The following RABGAP1L variants were observed in gnomAD, a reference collection of about 807,000 sequenced individuals.
RABGAP1L encodes the protein rab GTPase-activating protein 1-like.
Under a neutral mutation model 137.7 loss-of-function variants are expected in RABGAP1L, and 63 were observed. The ratio of observed to expected loss-of-function variants is 0.46; its 90% confidence interval spans 0.37 to 0.56. RABGAP1L has a LOEUF of 0.56. Ranked by LOEUF, RABGAP1L falls within the 20% of genes least tolerant of loss-of-function variation. The pLI, the probability that RABGAP1L is intolerant of heterozygous loss-of-function variation, is 0.00. For missense variants in RABGAP1L, 1,095 were observed against 1,244.0 expected (o/e 0.88, Z 1.80); for synonymous variants, 431 against 433.7 (o/e 0.99, Z 0.08).
chr1:174,583,502 A>G (rs74126843), intron 13 of RABGAP1L, among the ~76,000 whole-genome samples: 1,931 of 152,274 alleles, frequency 0.013, 52 homozygotes, highest in African/African-American at 0.045. Context: ...ATGAGATGCT[A>G]TGGTATTCAC....
intron 13 of RABGAP1L, among the ~76,000 whole-genome samples, chr1:174,441,195 T>G (rs1438226422): frequency 6.6e-6 from 1 of 151,926 alleles, no homozygotes; most frequent in African/African-American, 2.4e-5. Flanking sequence ...TATTTTCTGA[T>G]TAGCATTCAT....
chr1:174,189,343 T>A (rs560384458), intron 1 of RABGAP1L, among the ~76,000 whole-genome samples: 23 of 152,330 alleles, frequency 1.5e-4, no homozygotes, highest in African/African-American at 5.1e-4. Context: ...TTGTTTACAT[T>A]GAAAATCTGT....
chr1:174,809,252 A>G lies in RABGAP1L; in HGVS notation c.2212-2580A>G, dbSNP rs374739650. ...GATTTGCAGCAATATCAACACCAACAATGTCTAGGAAAGGACAGCCACAGG... is the reference window on the plus strand; with the variant it reads ...GATTTGCAGCAATATCAACACCAACGATGTCTAGGAAAGGACAGCCACAGG... On this transcript the variant is annotated intron_variant, in intron 18 of 25. Transcript: ENST00000681986. 2.0e-5 allele frequency among the ~76,000 whole-genome samples: 3 copies of G among 152,214 alleles called. No homozygotes were observed. The East Asian group carries it at 5.8e-4, about 29-fold the overall frequency.
chr1:174,519,989 T>TTTGTTGCTGC (rs1312571422), intron 13 of RABGAP1L, among the ~76,000 whole-genome samples: 2 of 152,200 alleles, frequency 1.3e-5, no homozygotes, highest in African/African-American at 4.8e-5. Flanking sequence ...ACTATTATTT[T>TTTGTTGCTGC]TTGTTGCTGC....
chr1:174,203,869 G>T, intron 1 of RABGAP1L, among the ~76,000 whole-genome samples: 1 of 151,146 alleles, frequency 6.6e-6, no homozygotes, highest in East Asian at 1.9e-4. Context: ...GAATGGGATT[G>T]CCTTTCTGAT....
intron 18 of RABGAP1L, chr1:174,799,977 C>T (rs1688599408): frequency 9.8e-7 from 1 of 1,017,926 alleles, no homozygotes; most frequent in Non-Finnish European, 1.2e-6. Flanking sequence ...CACACACACA[C>T]ACTCTCACAC....
rs150264760 is a variant in RABGAP1L, at chr1:174,635,142, T to G, written c.1711-2233T>G. On this transcript the variant is annotated intron_variant, in intron 13 of 25. Coordinates refer to ENST00000681986, the MANE Select transcript of RABGAP1L (RefSeq NM_001366446.1). ...TAGATTTTTTTCTTTTTACCAATTT[T>G]TCTTTTCCTGAATCAGACTATTGGA... 1.2e-4 allele frequency among the ~76,000 whole-genome samples: 19 copies of G among 152,288 alleles called. No homozygotes were observed. The East Asian group carries it at 3.5e-3, about 28-fold the overall frequency.
chr1:174,608,392 A>G (rs765613040), intron 13 of RABGAP1L, among the ~76,000 whole-genome samples: 1 of 152,180 alleles, frequency 6.6e-6, no homozygotes, highest in Non-Finnish European at 1.5e-5. Context: ...AGTGGAAGTA[A>G]GATATGTCTT....
At chr1:174,752,232 A>G (rs1684400116) in intron 17 of RABGAP1L, 81 bp from the exon 18 acceptor site, 3 of 994,522 alleles carry the variant, frequency 3.0e-6, no homozygotes, top group Non-Finnish European at 4.5e-6. Flanking sequence ...ATTTTATTAA[A>G]TATATGTGGA....
At chr1:174,289,204 A>AT (rs1676350877) in intron 10 of RABGAP1L, among the ~76,000 whole-genome samples, 1 of 152,046 alleles carries the variant, frequency 6.6e-6, no homozygotes, top group Non-Finnish European at 1.5e-5. Flanking sequence ...CACCCACCTA[A>AT]TTTTTTAAAA....
At chr1:174,469,869 T>C (rs1036518767) in intron 13 of RABGAP1L, among the ~76,000 whole-genome samples, 37 of 152,040 alleles carry the variant, frequency 2.4e-4, no homozygotes, top group Admixed American at 6.6e-4. Context: ...CTGCCTTCAC[T>C]GGGGATTGTC....
At chr1:174,850,572 C>A (rs1047781773) in intron 19 of RABGAP1L, among the ~76,000 whole-genome samples, 1 of 152,120 alleles carries the variant, frequency 6.6e-6, no homozygotes, top group Non-Finnish European at 1.5e-5. Flanking sequence ...CACTGTTTGG[C>A]TTTTGTTATT....
At chr1:174,615,302 C>T (rs534413132) in intron 13 of RABGAP1L, among the ~76,000 whole-genome samples, 19 of 152,112 alleles carry the variant, frequency 1.2e-4, no homozygotes, top group Non-Finnish European at 2.4e-4. Flanking sequence ...CAGACAGGAC[C>T]CTCAGCTGCA....
At chr1:174,483,027 A>G (rs1373036480) in intron 13 of RABGAP1L, among the ~76,000 whole-genome samples, 4 of 152,158 alleles carry the variant, frequency 2.6e-5, no homozygotes, top group Admixed American at 6.5e-5. Context: ...GTCTATATTT[A>G]TGGATTACAT....
intron 19 of RABGAP1L, among the ~76,000 whole-genome samples, chr1:174,830,103 G>A (rs1214671568): frequency 6.8e-6 from 1 of 148,024 alleles, no homozygotes; most frequent in Non-Finnish European, 1.5e-5. Flanking sequence ...CTCATGCTCA[G>A]CATCTTCACA....
At chr1:174,288,392 T>C (rs1221876771) in intron 10 of RABGAP1L, among the ~76,000 whole-genome samples, 2 of 152,198 alleles carry the variant, frequency 1.3e-5, no homozygotes, top group African/African-American at 2.4e-5. Context: ...AGGCAGATCT[T>C]TGTGATGATG....
In RABGAP1L at chr1:174,675,013, A is replaced by C. The variant is rs1460112222; in HGVS notation, c.1825-8509A>C. Among the ~76,000 whole-genome samples the C allele has an allele frequency of 2.0e-5, 3 of 152,006 alleles. No individual in the cohort carries two copies. The East Asian group carries it at 5.8e-4, about 30-fold the overall frequency. ...GCCCTTTGTCAGATGAGTAGGTTGCAAAAATTTTCTCCCATTTTGTAGGTT... is the reference window on the plus strand; with the variant it reads ...GCCCTTTGTCAGATGAGTAGGTTGCCAAAATTTTCTCCCATTTTGTAGGTT... On this transcript the variant is annotated intron_variant, in intron 14 of 25. Transcript: ENST00000681986.
chr1:174,904,650 T>C (rs1393458123), intron 19 of RABGAP1L, among the ~76,000 whole-genome samples: 2 of 152,094 alleles, frequency 1.3e-5, no homozygotes, highest in East Asian at 3.9e-4. Flanking sequence ...CTTTTTTTCT[T>C]TTCTTTTTTT....
chr1:174,163,983 T>C (rs934062799), intron 1 of RABGAP1L, among the ~76,000 whole-genome samples: 28 of 152,160 alleles, frequency 1.8e-4, no homozygotes, highest in Admixed American at 9.8e-4. Flanking sequence ...ATGGAACATT[T>C]ACTTTTTACT....
Sources: allele counts gnomAD v4.1 joint callset (sites outside exome capture counted in the v4.1 genomes callset), GRCh38; gene constraint gnomAD v4.1.1; transcripts MANE v1.5; gene names NCBI Gene and HGNC (gene_info 2026-07-23, HGNC 2026-07-21).